The following SLC35B4 variants were observed in gnomAD, a reference collection of about 807,000 sequenced individuals.
SLC35B4 encodes nucleotide sugar transporter SLC35B4.
SLC35B4 carries 28 observed loss-of-function variants against 39.5 expected under a neutral mutation model. The ratio of observed to expected loss-of-function variants is 0.71; its 90% CI spans 0.53 to 0.97. SLC35B4 has a LOEUF of 0.97. SLC35B4 is among the 50% of genes least tolerant of loss of function. The pLI is 0.00. For missense variants in SLC35B4, 334 were observed against 414.3 expected (o/e 0.81, Z 1.68); for synonymous variants, 145 against 150.4 (o/e 0.96, Z 0.26).
Position 134,290,076 on chromosome 7 carries a change from C to G in SLC35B4, c.*4757G>C, listed in dbSNP as rs1350045842. ...GAGATGTAAGGGTGGGGCTGGTCAC[C>G]CCAAGCAGCCTACTTCAAAAACTTT... is the stretch of plus-strand genomic sequence containing the variant. On this transcript the variant is annotated 3_prime_UTR_variant, in exon 10 of 10. Coordinates refer to ENST00000378509, the MANE Select transcript of SLC35B4 (RefSeq NM_032826.5). 7 of 152,098 alleles carry G rather than the reference C, an allele frequency of 4.6e-5. No individual in the cohort carries two copies. The highest frequency in any genetic ancestry group is 1.4e-4 in the African/African-American group (6 of 41,390). 9.4% of individuals were successfully genotyped at this position (152,098 alleles called of 1,614,324 possible).
intron 9 of SLC35B4, among the ~76,000 whole-genome samples, 160 bp downstream of exon 9, chr7:134,296,231 A>G (rs1803462745): frequency 6.6e-6 from 1 of 152,146 alleles, no homozygotes; most frequent in African/African-American, 2.4e-5. Context: ...TGCCCTCTAC[A>G]AGGAGTTCCC....
chr7:134,297,308 AT>A (rs1345972655), intron 8 of SLC35B4, among the ~76,000 whole-genome samples: 1 of 152,270 alleles, frequency 6.6e-6, no homozygotes, highest in Non-Finnish European at 1.5e-5. Context: ...ACTTGGCGTC[AT>A]TCTTTAAAAA....
chr7:134,304,196 G>A (rs575480633), intron 4 of SLC35B4, among the ~76,000 whole-genome samples: 4 of 152,028 alleles, frequency 2.6e-5, no homozygotes, highest in East Asian at 1.9e-4. Context: ...TGAGACCAGC[G>A]GGGACAACAT....
chr7:134,294,721 C>G lies in SLC35B4; in HGVS notation c.*112G>C. 1 of 1,386,398 alleles carries G rather than the reference C, an allele frequency of 7.2e-7. No individual in the cohort carries two copies. Among genetic ancestry groups the G allele is most frequent in the Non-Finnish European group, 9.8e-7 (1 of 1,023,086 alleles). 85.9% of individuals were successfully genotyped at this position (1,386,398 alleles called of 1,614,324 possible). A position where few individuals can be genotyped will look rare whatever the true frequency, so the allele number is the denominator to read the frequency against. ...CCCCTCCTGAAGATTTCCTTTTGCA[C>G]GGCTGGCTCAGCACTGCGGGTAGCT... On this transcript the variant is annotated 3_prime_UTR_variant, in exon 10 of 10. Transcript: ENST00000378509.
chr7:134,293,575 A>G lies in SLC35B4; in HGVS notation c.*1258T>C, dbSNP rs979158725. The G allele has an allele frequency of 6.6e-6, 1 of 152,078 alleles. No homozygotes were observed. The highest frequency in any genetic ancestry group is 1.5e-5 in the Non-Finnish European group (1 of 68,022). The allele number at this position is 152,078 out of a possible 1,614,324, so 9.4% of individuals were successfully genotyped here. ...ATATCTCCATCTATGCATTCCCTTG[A>G]TGGGTCGTGACTCTTAACAGAGTCA... On this transcript the variant is annotated 3_prime_UTR_variant, in exon 10 of 10. Transcript: ENST00000378509.
At position 134,304,853 on chromosome 7, in the gene SLC35B4, C is replaced by G. The variant is rs1257110800; in HGVS notation, c.296G>C (p.Gly99Ala). The G allele has an allele frequency of 6.2e-7, 1 of 1,612,330 alleles. No homozygotes were observed. The highest frequency in any genetic ancestry group is 8.5e-7 in the Non-Finnish European group (1 of 1,178,632). The change falls in exon 4 of 10, where the codon GGT (glycine) becomes GCT (alanine). Residue 99 changes from glycine to alanine, a missense_variant and splice_region_variant. Transcript: ENST00000378509. ...AMPLHMIFRS[G>A]SLIANMILGI... ...TAGAATCATGTTGGCAATTAGAGAA[C>G]CCTGCAAAAGGAGACAACAGTAACA...
In SLC35B4 at chr7:134,300,134, G is replaced by C; in HGVS notation, c.597+18C>G. ...AACTTAGGAATTTTCACGTTCCCAGGTTCAGGAAGTTGCTTACATTATAAA... is the reference window on the plus strand; with the variant it reads ...AACTTAGGAATTTTCACGTTCCCAGCTTCAGGAAGTTGCTTACATTATAAA... On this transcript the variant is annotated intron_variant, in intron 7 of 9. Transcript: ENST00000378509. 5 of 1,526,584 alleles carry C rather than the reference G, an allele frequency of 3.3e-6. No homozygotes were observed. The highest frequency in any genetic ancestry group is 4.5e-6 in the Non-Finnish European group (5 of 1,115,228). 94.6% of individuals were successfully genotyped at this position (1,526,584 alleles called of 1,614,324 possible).
chr7:134,292,624 T>C lies in SLC35B4; in HGVS notation c.*2209A>G, dbSNP rs1803357727. 1 of 152,190 alleles carries C rather than the reference T, an allele frequency of 6.6e-6. No homozygotes were observed. The highest frequency in any genetic ancestry group is 2.4e-5 in the African/African-American group (1 of 41,448). 9.4% of individuals were successfully genotyped at this position (152,190 alleles called of 1,614,324 possible). A position where few individuals can be genotyped will look rare whatever the true frequency, so the allele number is the denominator to read the frequency against. On this transcript the variant is annotated 3_prime_UTR_variant, in exon 10 of 10. Coordinates refer to ENST00000378509, the MANE Select transcript of SLC35B4 (RefSeq NM_032826.5). ...ATGTGAGGCTGCATCCTATTAAGAG[T>C]TCAGAGACTCCAGATCCATAGCAAT...
chr7:134,318,872 G>A (rs1804053510), upstream of SLC35B4, among the ~76,000 whole-genome samples: 1 of 152,190 alleles, frequency 6.6e-6, no homozygotes, highest in Non-Finnish European at 1.5e-5. Context: ...CTACTGCAGT[G>A]AGTATTAATT....
intron 8 of SLC35B4, among the ~76,000 whole-genome samples, chr7:134,297,977 TAC>T (rs1803503897): frequency 6.6e-6 from 1 of 152,214 alleles, no homozygotes; most frequent in Non-Finnish European, 1.5e-5. Context: ...TGAAAGAGAA[TAC>T]AGACATAGAA....
intron 6 of SLC35B4, among the ~76,000 whole-genome samples, 196 bp from the exon 7 acceptor site, chr7:134,300,457 T>C (rs1202051513): frequency 6.6e-6 from 1 of 152,218 alleles, no homozygotes; most frequent in African/African-American, 2.4e-5. Flanking sequence ...TATATATTCA[T>C]TTATGTAAAT....
intron 1 of SLC35B4, among the ~76,000 whole-genome samples, chr7:134,311,966 CT>C (rs1238759065): frequency 2.6e-5 from 4 of 152,154 alleles, no homozygotes; most frequent in Non-Finnish European, 5.9e-5. Context: ...TGCTCTGTCA[CT>C]TGCTATGTGA....
chr7:134,301,173 C>T (rs918066259), intron 6 of SLC35B4, among the ~76,000 whole-genome samples: 79 of 152,250 alleles, frequency 5.2e-4, no homozygotes, highest in African/African-American at 1.8e-3. Context: ...AGTCTCAATC[C>T]GTTATTGTTG....
intron 2 of SLC35B4, among the ~76,000 whole-genome samples, chr7:134,307,459 A>C (rs1803735035): frequency 6.6e-6 from 1 of 152,202 alleles, no homozygotes; most frequent in African/African-American, 2.4e-5. Flanking sequence ...TGATTCAGAA[A>C]ATACATAAGA....
Position 134,294,695 on chromosome 7 carries a change from T to C in SLC35B4, c.*138A>G. 2.8e-6 allele frequency: 3 copies of C among 1,068,944 alleles called. No individual in the cohort carries two copies. The highest frequency in any genetic ancestry group is 4.0e-6 in the Non-Finnish European group (3 of 751,768). The allele number at this position is 1,068,944 out of a possible 1,614,324, so 66.2% of individuals were successfully genotyped here. On this transcript the variant is annotated 3_prime_UTR_variant, in exon 10 of 10. Coordinates refer to ENST00000378509, the MANE Select transcript of SLC35B4 (RefSeq NM_032826.5). The stretch of plus-strand genomic sequence containing the variant: ...GTGTCAGTCTGAGCAACGTGAGAAG[T>C]CCCCTCCTGAAGATTTCCTTTTGCA...
chr7:134,289,946 G>C lies in SLC35B4; in HGVS notation c.*4887C>G, dbSNP rs938347493. ...GTAGGACGGTTACCAATTTAAGTAG[G>C]TAAGGCTCAGGGGAGGTGTCTCAGT... On this transcript the variant is annotated 3_prime_UTR_variant, in exon 10 of 10. Transcript: ENST00000378509. 3.9e-5 allele frequency: 6 copies of C among 152,092 alleles called. No individual in the cohort carries two copies. The highest frequency in any genetic ancestry group is 5.9e-5 in the Non-Finnish European group (4 of 68,008). 9.4% of individuals were successfully genotyped at this position (152,092 alleles called of 1,614,324 possible).
At chr7:134,301,634 A>G in intron 6 of SLC35B4, 127 bp downstream of exon 6, 1 of 810,788 alleles carries the variant, frequency 1.2e-6, no homozygotes, top group Non-Finnish European at 2.0e-6. Context: ...ATATGATCCC[A>G]GGTGCCTCTC....
chr7:134,290,391 T>C lies in SLC35B4; in HGVS notation c.*4442A>G, dbSNP rs149887569. On this transcript the variant is annotated 3_prime_UTR_variant, in exon 10 of 10. Transcript: ENST00000378509. Reference sequence around the variant, plus strand: ...CGAACCCTCAGGTTTTCCAGAAACTTGAGGGAAGAAGAGATCTTGGCAAGC... The same window carrying C: ...CGAACCCTCAGGTTTTCCAGAAACTCGAGGGAAGAAGAGATCTTGGCAAGC... 7 of 152,108 alleles carry C rather than the reference T, an allele frequency of 4.6e-5. 1 individual carries two copies. Among genetic ancestry groups the C allele is most frequent in the African/African-American group, 1.7e-4 (7 of 41,402 alleles). 9.4% of individuals were successfully genotyped at this position (152,108 alleles called of 1,614,324 possible). A position where few individuals can be genotyped will look rare whatever the true frequency, so the allele number is the denominator to read the frequency against.
At chr7:134,316,620 T>C (rs1803985193) in intron 1 of SLC35B4, 55 bp downstream of exon 1, 1 of 1,534,996 alleles carries the variant, frequency 6.5e-7, no homozygotes, top group Non-Finnish European at 8.8e-7. Context: ...ACCTCTCCTC[T>C]GGCTTCCTCC....
Sources: gnomAD v4.1 joint callset for allele counts (sites outside exome capture counted in the v4.1 genomes callset) on GRCh38, gnomAD v4.1.1 for gene constraint, MANE v1.5 for transcripts, NCBI Gene and HGNC (gene_info 2026-07-23, HGNC 2026-07-21) for gene names.